Variants in ELP2 observed in about 807,000 individuals in gnomAD.
The protein encoded by ELP2 is elongator acetyltransferase complex subunit 2.
ELP2 carries 90 observed loss-of-function variants against 119.2 expected under a neutral mutation model. The ratio of observed to expected loss-of-function variants is 0.75; its 90% confidence interval spans 0.64 to 0.90. The LOEUF is 0.90. ELP2 is among the 40% of genes least tolerant of loss of function. The pLI is 0.00. For synonymous variants in ELP2, 339 were observed against 331.0 expected, an observed-to-expected ratio of 1.02 and a Z score of -0.26; for missense variants, 921 against 967.8, an observed-to-expected ratio of 0.95 and a Z score of 0.64.
intron 11 of ELP2, among the ~76,000 whole-genome samples, chr18:36,153,843 A>T (rs2090478725): frequency 6.6e-6 from 1 of 151,660 alleles, no homozygotes; most frequent in South Asian, 2.1e-4. Flanking sequence ...CAGAGTTTCC[A>T]CGTCCCTCTA....
chr18:36,141,123 T>G lies in ELP2; in HGVS notation c.524-14T>G, dbSNP rs1253953878. The G allele has an allele frequency of 1.9e-6, 3 of 1,612,022 alleles. No individual in the cohort carries two copies. Among genetic ancestry groups the G allele is most frequent in the Non-Finnish European group, 2.5e-6 (3 of 1,178,152 alleles). On this transcript the variant is annotated splice_polypyrimidine_tract_variant and intron_variant, in intron 5 of 21. Transcript: ENST00000358232. ...TAGAGAACTCACAGTGAAGCCTGTT[T>G]TTTCTTCCCCCAGTACCAATATTAG...
intron 13 of ELP2, among the ~76,000 whole-genome samples, chr18:36,158,181 T>C (rs2090628106): frequency 6.6e-6 from 1 of 152,218 alleles, no homozygotes; most frequent in Non-Finnish European, 1.5e-5. Flanking sequence ...GTGTCTAGTT[T>C]CAGCTTCTGT....
chr18:36,180,060 A>C lies in ELP2; in HGVS notation c.*5419A>C, dbSNP rs922562310. The stretch of plus-strand genomic sequence containing the variant: ...TCATATGAAAGGAGTCAAGGCAGAC[A>C]GACCAGGATGGGGAGGGAGATGTCT... On this transcript the variant is annotated 3_prime_UTR_variant, in exon 22 of 22. Coordinates refer to ENST00000358232, the MANE Select transcript of ELP2 (RefSeq NM_018255.4). The C allele has an allele frequency of 1.3e-5, 2 of 152,308 alleles. No homozygotes were observed. Among genetic ancestry groups the C allele is most frequent in the African/African-American group, 4.8e-5 (2 of 41,466 alleles). 9.4% of individuals were successfully genotyped at this position (152,308 alleles called of 1,614,324 possible). A position where few individuals can be genotyped will look rare whatever the true frequency, so the allele number is the denominator to read the frequency against.
In ELP2 at chr18:36,138,813, T is replaced by TA; in HGVS notation, c.467dup (p.Asn156LysfsTer19). On this transcript the variant is annotated frameshift_variant, in exon 5 of 22. Transcript: ENST00000358232. LOFTEE classifies it high-confidence loss of function. Reference sequence around the variant, plus strand: ...TTCTTAGTAATGTGCCTTCAGACTTTAAACTTTGGAAATGGATTTGCTTTG... The same window carrying TA: ...TTCTTAGTAATGTGCCTTCAGACTTTAAAACTTTGGAAATGGATTTGCTTTG... 6.2e-7 allele frequency: 1 copy of TA among 1,614,004 alleles called. No individual in the cohort carries two copies. The highest frequency in any genetic ancestry group is 8.5e-7 in the Non-Finnish European group (1 of 1,179,920).
At chr18:36,151,453 T>C (rs1388619774) in intron 11 of ELP2, among the ~76,000 whole-genome samples, 1 of 152,178 alleles carries the variant, frequency 6.6e-6, no homozygotes, top group East Asian at 1.9e-4. Flanking sequence ...TCCTTTAATG[T>C]TGGGAGACCA....
In ELP2 at chr18:36,156,607, A is replaced by C. The variant is rs755323572; in HGVS notation, c.1417A>C (p.Asn473His). ...VFSAPRNFVE[N>H]FCAITGQSLN... ...TTCTGCACCTCGGAATTTTGTGGAA[A>C]ATTTTTGTGCCATTACAGGACAATC... Residue 473 changes from asparagine to histidine, a missense_variant, in exon 13 of 22, where the codon AAT (asparagine) becomes CAT (histidine). Asn to His is a moderately conservative substitution (Grantham distance 68, BLOSUM62 1). Transcript: ENST00000358232. 3.8e-5 allele frequency: 61 copies of C among 1,614,090 alleles called. No homozygotes were observed. Among genetic ancestry groups the C allele is most frequent in the Non-Finnish European group, 5.0e-5 (59 of 1,180,004 alleles).
At position 36,176,988 on chromosome 18, in the gene ELP2, G is replaced by A. The variant is rs959599971; in HGVS notation, c.*2347G>A. 2.6e-5 allele frequency: 4 copies of A among 152,164 alleles called. No individual in the cohort carries two copies. Among genetic ancestry groups the A allele is most frequent in the African/African-American group, 9.7e-5 (4 of 41,420 alleles). The allele number at this position is 152,164 out of a possible 1,614,324, so 9.4% of individuals were successfully genotyped here. A position where few individuals can be genotyped will look rare whatever the true frequency, so the allele number is the denominator to read the frequency against. ...AGTGACGCACGTGTTGTGTGTGTAT[G>A]TGTGCGTTTGAGGCTATATTACTCA... is the stretch of plus-strand genomic sequence containing the variant. On this transcript the variant is annotated 3_prime_UTR_variant, in exon 22 of 22. Transcript: ENST00000358232.
At chr18:36,141,987 C>A (rs1035269097) in intron 6 of ELP2, among the ~76,000 whole-genome samples, 7 of 152,136 alleles carry the variant, frequency 4.6e-5, no homozygotes, top group Non-Finnish European at 2.9e-5. Context: ...AGCCACTGCC[C>A]AACCCACCTT....
At chr18:36,158,805 A>G (rs2090644447) in intron 13 of ELP2, 30 bp from the exon 14 acceptor site, 2 of 1,451,350 alleles carry the variant, frequency 1.4e-6, no homozygotes, top group Admixed American at 1.7e-5. Context: ...TTTAGCATTT[A>G]TAACTTAGAT....
At chr18:36,160,177 A>AC (rs1294434184) in intron 16 of ELP2, among the ~76,000 whole-genome samples, 162 bp downstream of exon 16, 1 of 151,978 alleles carries the variant, frequency 6.6e-6, no homozygotes, top group African/African-American at 2.4e-5. Context: ...TGAGAATTAA[A>AC]CCTTAACGTT....
At position 36,138,886 on chromosome 18, in the gene ELP2, T is replaced by A; in HGVS notation, c.523+14T>A. The A allele has an allele frequency of 6.3e-7, 1 of 1,599,452 alleles. No individual in the cohort carries two copies. Among genetic ancestry groups the A allele is most frequent in the East Asian group, 2.2e-5 (1 of 44,772 alleles). On this transcript the variant is annotated intron_variant, in intron 5 of 21. Transcript: ENST00000358232. The stretch of plus-strand genomic sequence containing the variant: ...CAAATACTGATGGTGAGTATCCTGT[T>A]AAGTATATGTTAAAAGGGCAGTATA...
Position 36,129,900 on chromosome 18 carries a change from C to T in ELP2, c.-34C>T. Reference sequence around the variant, plus strand: ...GTTCCGCTCCGAGGGCGGAAGTGCGCGTCTCTTGTTTGTGCGGCTGACCAG... The same window carrying T: ...GTTCCGCTCCGAGGGCGGAAGTGCGTGTCTCTTGTTTGTGCGGCTGACCAG... On this transcript the variant is annotated 5_prime_UTR_variant, in exon 1 of 22. Coordinates refer to ENST00000358232, the MANE Select transcript of ELP2 (RefSeq NM_018255.4). The T allele has an allele frequency of 1.9e-6, 3 of 1,614,140 alleles. No individual in the cohort carries two copies. The highest frequency in any genetic ancestry group is 2.5e-6 in the Non-Finnish European group (3 of 1,180,020).
At chr18:36,138,924 C>A in intron 5 of ELP2, 52 bp downstream of exon 5, 1 of 1,333,724 alleles carries the variant, frequency 7.5e-7, no homozygotes, top group South Asian at 1.2e-5. Flanking sequence ...TGCATACTGT[C>A]ATATGATTAG....
At chr18:36,141,013 G>GT (rs747992153) in intron 5 of ELP2, 124 bp from the exon 6 acceptor site, 1 of 792,562 alleles carries the variant, frequency 1.3e-6, no homozygotes, top group Non-Finnish European at 2.3e-6. Flanking sequence ...TCAATTATTC[G>GT]TGTAGTGGTG....
intron 4 of ELP2, 149 bp from the exon 5 acceptor site, chr18:36,138,646 A>G (rs2089917021): frequency 5.7e-6 from 5 of 882,238 alleles, no homozygotes; most frequent in African/African-American, 3.3e-5. Flanking sequence ...AAATTTGGCC[A>G]TTTAACTTCA....
intron 3 of ELP2, 154 bp from the exon 4 acceptor site, chr18:36,138,113 GTGT>G (rs1567977190): frequency 1.5e-6 from 1 of 656,806 alleles, no homozygotes; most frequent in South Asian, 1.9e-5. Context: ...CACATTTTGT[GTGT>G]TGTTAACATG....
At chr18:36,142,766 C>T (rs2090073250) in intron 7 of ELP2, 60 bp from the exon 8 acceptor site, 2 of 1,172,250 alleles carry the variant, frequency 1.7e-6, no homozygotes, top group Non-Finnish European at 2.5e-6. Context: ...ACAAAAAAGT[C>T]TTATACATAA....
intron 2 of ELP2, among the ~76,000 whole-genome samples, chr18:36,134,586 T>A (rs1395186414): frequency 6.6e-6 from 1 of 152,232 alleles, no homozygotes; most frequent in African/African-American, 2.4e-5. Context: ...TTCTCAGTTT[T>A]AATTTCTAAT....
chr18:36,151,206 T>A (rs2090387492), intron 11 of ELP2, among the ~76,000 whole-genome samples: 1 of 150,994 alleles, frequency 6.6e-6, no homozygotes, highest in Non-Finnish European at 1.5e-5. Flanking sequence ...CACCTCCACC[T>A]CCCGAGTAGC....
Sources: allele counts gnomAD v4.1 joint callset (sites outside exome capture counted in the v4.1 genomes callset), GRCh38; gene constraint gnomAD v4.1.1; transcripts MANE v1.5; gene names NCBI Gene and HGNC (gene_info 2026-07-23, HGNC 2026-07-21).